Variants in CPLANE1 observed in about 807,000 individuals in gnomAD.
The protein encoded by CPLANE1 is ciliogenesis and planar polarity effector complex subunit 1, also known as ciliogenesis and planar polarity effector 1.
Under a neutral mutation model 362.5 loss-of-function variants are expected in CPLANE1, and 263 were observed. The ratio of observed to expected loss-of-function variants is 0.73; its 90% CI spans 0.66 to 0.80. CPLANE1 has a LOEUF of 0.80. CPLANE1 is among the 30% of genes least tolerant of loss of function. CPLANE1 has a pLI of 0.00. For missense variants in CPLANE1, 3,461 were observed against 3,793.4 expected (o/e 0.91, Z 2.30); for synonymous variants, 1,212 against 1,302.6 (o/e 0.93, Z 1.50).
intron 5 of CPLANE1, among the ~76,000 whole-genome samples, chr5:37,243,748 G>A (rs1406867116): frequency 7.0e-6 from 1 of 142,892 alleles, no homozygotes; most frequent in African/African-American, 2.6e-5. Flanking sequence ...TATATAATAT[G>A]CATATAATAT....
intron 51 of CPLANE1, 57 bp from the exon 52 acceptor site, chr5:37,108,528 CATTT>C (rs999936942): frequency 2.9e-5 from 43 of 1,462,026 alleles, no homozygotes; most frequent in African/African-American, 9.9e-5. Context: ...TTCATTCATT[CATTT>C]GTTAATTGTG....
chr5:37,234,958 C>T (rs529039274), intron 8 of CPLANE1, among the ~76,000 whole-genome samples: 1 of 152,198 alleles, frequency 6.6e-6, no homozygotes, highest in South Asian at 2.1e-4. Context: ...TTTTACCACA[C>T]CTATTCAACA....
chr5:37,224,309 G>C lies in CPLANE1; in HGVS notation c.2525C>G (p.Ser842Ter), dbSNP rs753449442. ...CCACAGCTGAACAGACTTTTCATAT[G>C]ATCCTAATAAAAAACATTCTTCCCC... The part of the protein sequence containing the change: ...INGEECFLLG[S>*]YEKSVQLWKK... Residue 842 changes from serine to a stop codon, truncating the protein, a stop_gained, in exon 14 of 53, where the codon TCA becomes TGA. Transcript: ENST00000651892. LOFTEE classifies it high-confidence loss of function. 2 of 1,548,888 alleles carry C rather than the reference G, an allele frequency of 1.3e-6. No homozygotes were observed. The highest frequency in any genetic ancestry group is 2.4e-5 in the South Asian group (2 of 83,392).
In CPLANE1 at chr5:37,227,680, A is replaced by G; in HGVS notation, c.1259T>C (p.Val420Ala). The change falls in exon 10 of 53, where the codon GTC (valine) becomes GCC (alanine). Residue 420 changes from valine to alanine, a missense_variant. By Grantham distance (64) the Val-to-Ala change is moderately conservative. This residue lies in a region of CPLANE1 where 3,380 missense variants were observed against 3,666.1 expected (regional missense o/e 0.92). Coordinates refer to ENST00000651892, the MANE Select transcript of CPLANE1 (RefSeq NM_001384732.1). ...GCTATCAAGAAATCGAAGGGTTGTG[A>G]CCATATATCCATCAGATATAACGAG... Reference protein sequence around the residue: ...PYLVISDGYMVTTLRFLDSLS... With the variant: ...PYLVISDGYMATTLRFLDSLS... 1.3e-6 allele frequency: 2 copies of G among 1,551,490 alleles called. No individual in the cohort carries two copies. Among genetic ancestry groups the G allele is most frequent in the South Asian group, 1.2e-5 (1 of 84,056 alleles).
intron 4 of CPLANE1, among the ~76,000 whole-genome samples, chr5:37,244,809 G>A (rs1738963650): frequency 6.6e-6 from 1 of 152,030 alleles, no homozygotes; most frequent in Non-Finnish European, 1.5e-5. Context: ...GGCTTAAGGA[G>A]ACGGATCGCT....
At chr5:37,083,946 C>T in the CPLANE1 span, among the ~76,000 whole-genome samples, 79 of 152,252 alleles carry the variant, frequency 5.2e-4, no homozygotes, top group African/African-American at 1.6e-3. Flanking sequence ...GGAAATTCAT[C>T]GCAAAAAGAT....
rs1361363473 is a variant in CPLANE1, at chr5:37,183,634, T to G, written c.4547A>C (p.Asn1516Thr). Residue 1516 changes from asparagine to threonine, a missense_variant, in exon 26 of 53, where the codon AAT becomes ACT. Coordinates refer to ENST00000651892, the MANE Select transcript of CPLANE1 (RefSeq NM_001384732.1). ...HKPTDKRKMC[N>T]QKENPTKKED... ...TTTCTTTGTAGGATTTTCTTTCTGA[T>G]TACACATTTTCCTTTTATCAGTTGG... 2 of 1,611,456 alleles carry G rather than the reference T, an allele frequency of 1.2e-6. No individual in the cohort carries two copies. Among genetic ancestry groups the G allele is most frequent in the Non-Finnish European group, 1.7e-6 (2 of 1,179,284 alleles).
intron 18 of CPLANE1, among the ~76,000 whole-genome samples, chr5:37,204,051 G>A (rs868438035): frequency 2.0e-5 from 3 of 152,000 alleles, no homozygotes; most frequent in Admixed American, 6.6e-5. Context: ...TGTATTTATC[G>A]TGGAAGAGTT....
chr5:37,216,873 T>C (rs967092678), intron 15 of CPLANE1, among the ~76,000 whole-genome samples: 4 of 152,350 alleles, frequency 2.6e-5, no homozygotes, highest in African/African-American at 9.6e-5. Context: ...ACATTTTATA[T>C]GTGTATGGAT....
At chr5:37,115,149 G>A in intron 50 of CPLANE1, 100 bp from the exon 51 acceptor site, 1 of 803,264 alleles carries the variant, frequency 1.2e-6, no homozygotes, top group Non-Finnish European at 2.1e-6. Context: ...GATCAGCTTT[G>A]AATCTGCTCA....
the CPLANE1 span, chr5:37,085,564 T>C: frequency 3.6e-6 from 3 of 841,202 alleles, no homozygotes; most frequent in Non-Finnish European, 6.3e-6. Context: ...AAGATTACTG[T>C]TTTCATCAAG....
At chr5:37,235,518 G>A (rs1167379032) in intron 8 of CPLANE1, among the ~76,000 whole-genome samples, 1 of 149,392 alleles carries the variant, frequency 6.7e-6, no homozygotes, top group Non-Finnish European at 1.5e-5. Flanking sequence ...AAACTCGTAT[G>A]GAACCAAAAA....
intron 20 of CPLANE1, among the ~76,000 whole-genome samples, chr5:37,196,640 T>C (rs114949429): frequency 0.017 from 2,557 of 152,142 alleles, 76 homozygotes; most frequent in African/African-American, 0.059. Context: ...CTAAAAAAAT[T>C]TGAGGCCAAG....
intron 46 of CPLANE1, among the ~76,000 whole-genome samples, chr5:37,132,548 A>G (rs4869493): frequency 0.015 from 2,234 of 152,058 alleles, 33 homozygotes; most frequent in Admixed American, 0.042. Flanking sequence ...GGGTTTCACC[A>G]TGTTAGCCAG....
chr5:37,237,195 T>C (rs1799190792), intron 8 of CPLANE1, among the ~76,000 whole-genome samples: 1 of 152,138 alleles, frequency 6.6e-6, no homozygotes, highest in Non-Finnish European at 1.5e-5. Context: ...AACAGAACCA[T>C]CTATCAACAA....
intron 12 of CPLANE1, among the ~76,000 whole-genome samples, chr5:37,225,044 C>G (rs922568666): frequency 6.6e-6 from 1 of 151,220 alleles, no homozygotes; most frequent in Non-Finnish European, 1.5e-5. Flanking sequence ...CTCAGCCTCC[C>G]GAACAGGTGA....
intron 26 of CPLANE1, 68 bp from the exon 27 acceptor site, chr5:37,181,073 A>C: frequency 1.5e-6 from 2 of 1,335,024 alleles, no homozygotes; most frequent in Non-Finnish European, 2.1e-6. Context: ...TTTTAAAATT[A>C]TTCATTCTTT....
chr5:37,159,936 T>C (rs1776396787), intron 38 of CPLANE1, among the ~76,000 whole-genome samples: 1 of 152,112 alleles, frequency 6.6e-6, no homozygotes, highest in Non-Finnish European at 1.5e-5. Context: ...AGTAGCTTCC[T>C]TATCTTGTAG....
intron 26 of CPLANE1, among the ~76,000 whole-genome samples, 194 bp downstream of exon 26, chr5:37,182,566 C>G (rs1295213755): frequency 1.3e-5 from 2 of 152,040 alleles, no homozygotes; most frequent in African/African-American, 4.8e-5. Flanking sequence ...AACCTCACAG[C>G]CTCTCTGAAA....
Sources: allele counts gnomAD v4.1 joint callset (sites outside exome capture counted in the v4.1 genomes callset), GRCh38; gene constraint gnomAD v4.1.1; regional missense constraint gnomAD v4.1.1; transcripts MANE v1.5; gene names NCBI Gene and HGNC (gene_info 2026-07-23, HGNC 2026-07-21).